RIMS1: variants seen among roughly 807,000 people sequenced by gnomAD.
RIMS1 encodes the protein regulating synaptic membrane exocytosis 1, also known as regulating synaptic membrane exocytosis protein 1.
Under a neutral mutation model 214.1 loss-of-function variants are expected in RIMS1, and 83 were observed. That is an observed-to-expected ratio of 0.39 (90% CI 0.32 to 0.47). RIMS1 has a LOEUF of 0.47. RIMS1 is among the 20% of genes least tolerant of loss of function. The pLI, the probability that RIMS1 is intolerant of heterozygous loss-of-function variation, is 0.99. For synonymous variants in RIMS1, 793 were observed against 786.8 expected (o/e 1.01, Z -0.13); for missense variants, 2,050 against 2,161.8 (o/e 0.95, Z 1.03).
intron 2 of RIMS1, among the ~76,000 whole-genome samples, chr6:72,046,920 T>C (rs1823215889): frequency 6.6e-6 from 1 of 152,132 alleles, no homozygotes; most frequent in African/African-American, 2.4e-5. Context: ...GCTTTTTGTT[T>C]TGTATTAAGG....
chr6:71,902,893 T>G (rs1421601727), intron 1 of RIMS1, among the ~76,000 whole-genome samples: 2 of 152,180 alleles, frequency 1.3e-5, no homozygotes, highest in Admixed American at 1.3e-4. Flanking sequence ...TTCTGTGGCG[T>G]ATATGTTTCA....
At chr6:72,003,047 T>C (rs1805857666) in intron 2 of RIMS1, among the ~76,000 whole-genome samples, 1 of 152,166 alleles carries the variant, frequency 6.6e-6, no homozygotes, top group South Asian at 2.1e-4. Flanking sequence ...GCAGTCAGCT[T>C]ACAGGGTGGC....
rs1047739660 is a variant in RIMS1, at chr6:72,165,868, T to A, written c.472-13707T>A. On this transcript the variant is annotated intron_variant, in intron 4 of 33. Transcript: ENST00000521978. ...ATATCTAAACTTTTCTCTCCTGACC[T>A]CTGGTATCCTACTGGTACCTATTAT... 3.3e-5 allele frequency among the ~76,000 whole-genome samples: 5 copies of A among 152,166 alleles called. No individual in the cohort carries two copies. The East Asian group carries it at 9.6e-4, about 29-fold the overall frequency.
In RIMS1 at chr6:71,944,907, A is replaced by C. The variant is rs150968144; in HGVS notation, c.165-24076A>C. 2.2e-4 allele frequency among the ~76,000 whole-genome samples: 33 copies of C among 152,308 alleles called. 1 individual carries two copies. The highest frequency in any genetic ancestry group is 9.7e-4 in the East Asian group (5 of 5,174). On this transcript the variant is annotated intron_variant, in intron 1 of 33. Coordinates refer to ENST00000521978, the MANE Select transcript of RIMS1 (RefSeq NM_014989.7). ...TATTTAGACATTGCGTTGTTATCTT[A>C]AAGGTAGTAACAGGGGTCTAGATAG...
Position 72,401,941 on chromosome 6 carries a change from G to T in RIMS1, c.*1227G>T. 6.6e-6 allele frequency: 1 copy of T among 152,556 alleles called. No individual in the cohort carries two copies. The highest frequency in any genetic ancestry group is 1.9e-4 in the East Asian group (1 of 5,194). 9.5% of individuals were successfully genotyped at this position (152,556 alleles called of 1,614,324 possible). A position where few individuals can be genotyped will look rare whatever the true frequency, so the allele number is the denominator to read the frequency against. Reference sequence around the variant, plus strand: ...AATGCAAAGTATCTTACTTTTTGGGGGGAAAATAAACAAAATGAACTTTCA... The same window carrying T: ...AATGCAAAGTATCTTACTTTTTGGGTGGAAAATAAACAAAATGAACTTTCA... On this transcript the variant is annotated 3_prime_UTR_variant, in exon 34 of 34. Transcript: ENST00000521978.
chr6:72,186,116 A>T (rs1188160827), intron 6 of RIMS1, among the ~76,000 whole-genome samples: 11 of 152,256 alleles, frequency 7.2e-5, no homozygotes, highest in Non-Finnish European at 1.5e-5. Context: ...TCCTGTCAAC[A>T]GTAGGCTATT....
At chr6:72,044,991 A>AT (rs1239534947) in intron 2 of RIMS1, among the ~76,000 whole-genome samples, 1 of 151,962 alleles carries the variant, frequency 6.6e-6, no homozygotes, top group African/African-American at 2.4e-5. Context: ...AAATTATGGT[A>AT]TATCTATACT....
Position 72,248,199 on chromosome 6 carries a change from T to G in RIMS1, c.2241+72T>G, listed in dbSNP as rs989498317. 1.1e-5 allele frequency: 10 copies of G among 894,876 alleles called. No individual in the cohort carries two copies. The African/African-American group carries it at 1.7e-4, about 15-fold the overall frequency. The allele number at this position is 894,876 out of a possible 1,614,324, so 55.4% of individuals were successfully genotyped here. On this transcript the variant is annotated intron_variant, in intron 12 of 33. Coordinates refer to ENST00000521978, the MANE Select transcript of RIMS1 (RefSeq NM_014989.7). ...CTGTCTGAGTCTGTCTTTAAATATG[T>G]TCGCCTTTCCTTGAAGCCTGCAATA... is the stretch of plus-strand genomic sequence containing the variant.
chr6:72,398,001 G>A (rs964542041), intron 31 of RIMS1, among the ~76,000 whole-genome samples: 2 of 152,082 alleles, frequency 1.3e-5, no homozygotes, highest in Non-Finnish European at 2.9e-5. Context: ...TGTTGTTATA[G>A]TCATTTATTA....
At chr6:72,039,568 G>T (rs2152074102) in intron 2 of RIMS1, among the ~76,000 whole-genome samples, 1 of 152,130 alleles carries the variant, frequency 6.6e-6, no homozygotes, top group Admixed American at 6.6e-5. Flanking sequence ...TCAGAAAAAG[G>T]TGCCCTTCAT....
intron 2 of RIMS1, among the ~76,000 whole-genome samples, chr6:71,983,921 G>C (rs1483817146): frequency 2.0e-5 from 3 of 152,144 alleles, no homozygotes; most frequent in African/African-American, 7.2e-5. Flanking sequence ...TGCCTATTAT[G>C]TGAAGCCTAA....
At chr6:72,124,103 G>A (rs550513593) in intron 4 of RIMS1, among the ~76,000 whole-genome samples, 2 of 151,966 alleles carry the variant, frequency 1.3e-5, no homozygotes, top group South Asian at 2.1e-4. Context: ...TTTTGCAGTG[G>A]CTGGTCCCAG....
In RIMS1 at chr6:72,155,080, A is replaced by G. The variant is rs552698810; in HGVS notation, c.472-24495A>G. Among the ~76,000 whole-genome samples, 5 of 140,212 alleles carry G rather than the reference A, an allele frequency of 3.6e-5. 1 individual carries two copies. The highest frequency in any genetic ancestry group is 2.9e-4 in the Admixed American group (4 of 13,688). 92.0% of individuals were successfully genotyped at this position (140,212 alleles called of 152,430 possible). On this transcript the variant is annotated intron_variant, in intron 4 of 33. Coordinates refer to ENST00000521978, the MANE Select transcript of RIMS1 (RefSeq NM_014989.7). ...TGTCCCCAAGAATCTTGCTGCTGAC[A>G]CTAAATATAAGCATCTTGCATAGAG...
chr6:71,974,244 C>T (rs1583884414), intron 2 of RIMS1, among the ~76,000 whole-genome samples: 2 of 151,678 alleles, frequency 1.3e-5, no homozygotes, highest in South Asian at 4.2e-4. Flanking sequence ...TATAGGAATT[C>T]ACTGCAGTGT....
chr6:72,340,703 A>C (rs895453770), intron 29 of RIMS1, among the ~76,000 whole-genome samples: 58 of 152,160 alleles, frequency 3.8e-4, no homozygotes, highest in African/African-American at 1.3e-3. Context: ...GTATAGTTTG[A>C]AGTCAGGTAG....
intron 1 of RIMS1, among the ~76,000 whole-genome samples, chr6:71,911,214 T>C (rs950201395): frequency 6.6e-6 from 1 of 152,148 alleles, no homozygotes; most frequent in East Asian, 1.9e-4. Context: ...CCATGTTGCA[T>C]TAAAAAATGT....
intron 29 of RIMS1, among the ~76,000 whole-genome samples, chr6:72,341,108 T>G (rs552910177): frequency 7.5e-4 from 114 of 151,790 alleles, no homozygotes; most frequent in African/African-American, 2.7e-3. Flanking sequence ...GTATAAGAAT[T>G]CTTGTGGTTT....
intron 6 of RIMS1, among the ~76,000 whole-genome samples, chr6:72,204,441 G>C (rs1383247817): frequency 6.6e-6 from 1 of 152,096 alleles, no homozygotes; most frequent in Non-Finnish European, 1.5e-5. Context: ...CTAGAACTCT[G>C]TTCTTCCTGA....
chr6:72,056,779 A>T (rs1223680337), intron 2 of RIMS1, among the ~76,000 whole-genome samples: 1 of 152,188 alleles, frequency 6.6e-6, no homozygotes, highest in Non-Finnish European at 1.5e-5. Context: ...GTTGTTTATA[A>T]GTTAAACATA....
Sources: gnomAD v4.1 joint callset for allele counts (sites outside exome capture counted in the v4.1 genomes callset) on GRCh38, gnomAD v4.1.1 for gene constraint, MANE v1.5 for transcripts, NCBI Gene and HGNC (gene_info 2026-07-23, HGNC 2026-07-21) for gene names.